The following RXFP2 variants were observed in gnomAD, a reference collection of about 807,000 sequenced individuals.
The protein encoded by RXFP2 is relaxin family peptide receptor 2.
In RXFP2, 68 loss-of-function variants were observed where a neutral mutation model predicts 88.6. The observed-to-expected ratio is 0.77, with a 90% CI of 0.63 to 0.94. RXFP2 has a LOEUF of 0.94. RXFP2 is among the 40% of genes least tolerant of loss of function. RXFP2 has a pLI of 0.00. For synonymous variants in RXFP2, 329 were observed against 306.8 expected, an observed-to-expected ratio of 1.07 and a Z score of -0.76; for missense variants, 791 against 893.9, an observed-to-expected ratio of 0.88 and a Z score of 1.47.
intron 2 of RXFP2, among the ~76,000 whole-genome samples, chr13:31,759,661 A>T (rs541926699): frequency 6.6e-6 from 1 of 152,108 alleles, no homozygotes; most frequent in Admixed American, 6.5e-5. Flanking sequence ...CCTAAAAAAT[A>T]TTTTTCTCTG....
At chr13:31,798,887 T>C (rs751492734) in intron 17 of RXFP2, among the ~76,000 whole-genome samples, 1 of 152,186 alleles carries the variant, frequency 6.6e-6, no homozygotes, top group Non-Finnish European at 1.5e-5. Context: ...CCCTCTTCTA[T>C]GGTGCAGTGC....
At chr13:31,763,920 A>G (rs1872422629) in intron 3 of RXFP2, among the ~76,000 whole-genome samples, 1 of 152,150 alleles carries the variant, frequency 6.6e-6, no homozygotes, top group South Asian at 2.1e-4. Context: ...AACATAAAAT[A>G]TTTTCCAAAA....
intron 1 of RXFP2, among the ~76,000 whole-genome samples, chr13:31,747,965 A>C (rs928578228): frequency 2.0e-5 from 3 of 152,208 alleles, no homozygotes; most frequent in Non-Finnish European, 4.4e-5. Flanking sequence ...TCAGAGCTGC[A>C]AAGAATGTTT....
At chr13:31,744,499 G>A (rs1049101751) in intron 1 of RXFP2, among the ~76,000 whole-genome samples, 1 of 152,124 alleles carries the variant, frequency 6.6e-6, no homozygotes, top group African/African-American at 2.4e-5. Context: ...TCTCCAAAGG[G>A]TTTCTGCTAT....
intron 1 of RXFP2, among the ~76,000 whole-genome samples, chr13:31,744,161 C>A (rs1193596729): frequency 6.6e-6 from 1 of 152,122 alleles, no homozygotes; most frequent in East Asian, 1.9e-4. Context: ...TGCCCAAATA[C>A]CACCAAATGA....
At chr13:31,754,308 A>G (rs1373949529) in intron 1 of RXFP2, among the ~76,000 whole-genome samples, 2 of 152,204 alleles carry the variant, frequency 1.3e-5, no homozygotes, top group African/African-American at 4.8e-5. Context: ...AAGCGGGTGG[A>G]TCATTTGAGG....
chr13:31,795,127 T>G (rs368379946), intron 16 of RXFP2, among the ~76,000 whole-genome samples: 43 of 152,252 alleles, frequency 2.8e-4, no homozygotes, highest in African/African-American at 1.0e-3. Context: ...CTTTCTTATA[T>G]TACTATCGTG....
At chr13:31,780,040 A>G (rs976826554) in intron 9 of RXFP2, among the ~76,000 whole-genome samples, 8 of 152,246 alleles carry the variant, frequency 5.3e-5, no homozygotes, top group African/African-American at 1.9e-4. Context: ...GAGTAAAGGT[A>G]GCAGAAAAAT....
intron 5 of RXFP2, among the ~76,000 whole-genome samples, chr13:31,769,736 A>G (rs1872670349): frequency 6.6e-6 from 1 of 152,210 alleles, no homozygotes; most frequent in African/African-American, 2.4e-5. Flanking sequence ...GTTGCTGCTA[A>G]GTGATGTGTG....
chr13:31,754,602 TC>T (rs1202132333), intron 1 of RXFP2, among the ~76,000 whole-genome samples: 1 of 152,210 alleles, frequency 6.6e-6, no homozygotes, highest in Non-Finnish European at 1.5e-5. Flanking sequence ...CATGCCACCT[TC>T]AAAAGATCCT....
chr13:31,768,386 C>G (rs946863341), intron 5 of RXFP2, among the ~76,000 whole-genome samples: 1 of 152,132 alleles, frequency 6.6e-6, no homozygotes. Flanking sequence ...CAGTCATCTA[C>G]CACTTTTTAA....
intron 13 of RXFP2, among the ~76,000 whole-genome samples, chr13:31,788,665 C>CATG (rs947634870): frequency 6.6e-6 from 1 of 152,118 alleles, no homozygotes. Flanking sequence ...TTGCTACCTT[C>CATG]ATGGTTTTCC....
chr13:31,765,180 T>C (rs1437222115), intron 4 of RXFP2, 38 bp downstream of exon 4: 1 of 1,267,414 alleles, frequency 7.9e-7, no homozygotes, highest in Non-Finnish European at 1.2e-6. Context: ...TCTGTCCCTA[T>C]AGTCACATGA....
At chr13:31,748,122 C>G (rs150653715) in intron 1 of RXFP2, among the ~76,000 whole-genome samples, 1 of 152,080 alleles carries the variant, frequency 6.6e-6, no homozygotes, top group Non-Finnish European at 1.5e-5. Context: ...AATGTTTATC[C>G]GTTTTATTTT....
chr13:31,754,870 G>T (rs1289051369), intron 1 of RXFP2, among the ~76,000 whole-genome samples: 2 of 136,644 alleles, frequency 1.5e-5, no homozygotes, highest in African/African-American at 5.3e-5. Flanking sequence ...TTCTTTCAGA[G>T]AAGTCACATA....
intron 1 of RXFP2, among the ~76,000 whole-genome samples, chr13:31,749,217 G>A (rs933111081): frequency 4.0e-5 from 6 of 151,878 alleles, no homozygotes; most frequent in South Asian, 2.1e-4. Context: ...GCATCACCTC[G>A]CCTCACTCCT....
chr13:31,782,423 T>G (rs1873326893), intron 10 of RXFP2, among the ~76,000 whole-genome samples: 1 of 152,204 alleles, frequency 6.6e-6, no homozygotes, highest in Admixed American at 6.5e-5. Flanking sequence ...CTAAAATAAT[T>G]AGATCCAAAC....
chr13:31,782,135 A>G (rs1203647399), intron 10 of RXFP2, among the ~76,000 whole-genome samples: 2 of 152,204 alleles, frequency 1.3e-5, no homozygotes, highest in African/African-American at 4.8e-5. Context: ...AAAGAAAAAA[A>G]AAATCATAAT....
chr13:31,764,203 C>A (rs1010382613), intron 3 of RXFP2, among the ~76,000 whole-genome samples: 4 of 151,676 alleles, frequency 2.6e-5, no homozygotes, highest in Non-Finnish European at 4.4e-5. Flanking sequence ...CTCTCAAAGC[C>A]TCGCTCTCTC....
Sources: gnomAD v4.1 joint callset for allele counts (sites outside exome capture counted in the v4.1 genomes callset) on GRCh38, gnomAD v4.1.1 for gene constraint, MANE v1.5 for transcripts, NCBI Gene and HGNC (gene_info 2026-07-23, HGNC 2026-07-21) for gene names.